SNTB1: variants seen among roughly 807,000 people sequenced by gnomAD.
SNTB1 encodes the protein beta-1-syntrophin.
SNTB1 carries 36 observed loss-of-function variants against 48.9 expected under a neutral mutation model. That is an observed-to-expected ratio of 0.74 (90% confidence interval 0.56 to 0.97). SNTB1 has a LOEUF of 0.97. Ranked by LOEUF, SNTB1 falls within the 50% of genes least tolerant of loss-of-function variation. The pLI is 0.00. For synonymous variants in SNTB1, 299 were observed against 294.6 expected (o/e 1.01, Z -0.15); for missense variants, 786 against 703.4 (o/e 1.12, Z -1.33).
chr8:120,666,100 C>A lies in SNTB1; in HGVS notation c.788+27592G>T, dbSNP rs183656269. Reference sequence around the variant, plus strand: ...AGTTTTCCAATTTCTATTAAAAGATCCACAGAGATTTTGATTAGTATGGCA... The same window carrying A: ...AGTTTTCCAATTTCTATTAAAAGATACACAGAGATTTTGATTAGTATGGCA... On this transcript the variant is annotated intron_variant, in intron 2 of 6. Coordinates refer to ENST00000517992, the MANE Select transcript of SNTB1 (RefSeq NM_021021.4). 1.2e-3 allele frequency among the ~76,000 whole-genome samples: 181 copies of A among 152,186 alleles called. 2 individuals are homozygous for A. The highest frequency in any genetic ancestry group is 3.8e-3 in the African/African-American group (156 of 41,528).
In SNTB1 at chr8:120,564,898, C is replaced by G. The variant is rs183695045; in HGVS notation, c.1136+10188G>C. Among the ~76,000 whole-genome samples, 90 of 152,150 alleles carry G rather than the reference C, an allele frequency of 5.9e-4. 4 individuals are homozygous for G. The East Asian group carries it at 0.016, about 28-fold the overall frequency. On this transcript the variant is annotated intron_variant, in intron 4 of 6. Coordinates refer to ENST00000517992, the MANE Select transcript of SNTB1 (RefSeq NM_021021.4). ...TGATTCTATTTTTTAGATGTGGAAA[C>G]AGATCAGAGAGAAGACGTCACTTGC... is the stretch of plus-strand genomic sequence containing the variant.
chr8:120,781,384 C>T (rs118096917), intron 1 of SNTB1, among the ~76,000 whole-genome samples: 2,561 of 151,824 alleles, frequency 0.017, 28 homozygotes, highest in Middle Eastern at 0.027. Context: ...TTTTTTTAAC[C>T]AAAGATATTT....
At chr8:120,738,464 T>C (rs1269721606) in intron 1 of SNTB1, among the ~76,000 whole-genome samples, 1 of 152,106 alleles carries the variant, frequency 6.6e-6, no homozygotes, top group Non-Finnish European at 1.5e-5. Flanking sequence ...GTTATTATTA[T>C]CTTCATGTTT....
intron 1 of SNTB1, among the ~76,000 whole-genome samples, chr8:120,785,142 T>A (rs1055363567): frequency 6.6e-6 from 1 of 152,156 alleles, no homozygotes; most frequent in African/African-American, 2.4e-5. Flanking sequence ...GTCACGGGTT[T>A]AGAGAAACCC....
At chr8:120,602,064 AAAAGTACT>A (rs1816430098) in intron 3 of SNTB1, among the ~76,000 whole-genome samples, 1 of 152,392 alleles carries the variant, frequency 6.6e-6, no homozygotes, top group East Asian at 1.9e-4. Context: ...TGCTTTCACC[AAAAGTACT>A]AAAGCAGCCT....
At chr8:120,662,350 C>T (rs1817602539) in intron 2 of SNTB1, among the ~76,000 whole-genome samples, 1 of 152,126 alleles carries the variant, frequency 6.6e-6, no homozygotes, top group African/African-American at 2.4e-5. Context: ...TAGTAAATGC[C>T]AAGGTGCCAG....
intron 2 of SNTB1, among the ~76,000 whole-genome samples, chr8:120,669,699 G>T (rs1371236879): frequency 2.8e-5 from 1 of 36,006 alleles, no homozygotes. Context: ...TGATCCACCC[G>T]CCTTGGCCTC....
At chr8:120,752,528 A>T (rs976805014) in intron 1 of SNTB1, among the ~76,000 whole-genome samples, 6 of 152,136 alleles carry the variant, frequency 3.9e-5, no homozygotes, top group African/African-American at 1.4e-4. Flanking sequence ...GTAACAAAGA[A>T]ATGAAATCAA....
chr8:120,721,350 A>C (rs1818655642), intron 1 of SNTB1, among the ~76,000 whole-genome samples: 1 of 152,188 alleles, frequency 6.6e-6, no homozygotes, highest in Non-Finnish European at 1.5e-5. Context: ...CAGACTTGAA[A>C]TCAAGCTTCT....
At chr8:120,759,820 G>A (rs1288298988) in intron 1 of SNTB1, among the ~76,000 whole-genome samples, 7 of 152,108 alleles carry the variant, frequency 4.6e-5, no homozygotes, top group East Asian at 1.9e-4. Flanking sequence ...TTGAGAGAAG[G>A]CCTATGTCTT....
chr8:120,603,534 G>C (rs539979530), intron 3 of SNTB1, among the ~76,000 whole-genome samples: 265 of 152,304 alleles, frequency 1.7e-3, no homozygotes, highest in Middle Eastern at 3.4e-3. Context: ...CTGGGAACTT[G>C]TTAAAAATGC....
At position 120,661,044 on chromosome 8, in the gene SNTB1, TCAC is replaced by T. The variant is rs1337094929; in HGVS notation, c.789-28396_789-28394del. ...TAACATCAAAGTTACCGGTCACAGA[TCAC>T]CATAATAGATACAAAATAATGAGAA... On this transcript the variant is annotated intron_variant, in intron 2 of 6. Coordinates refer to ENST00000517992, the MANE Select transcript of SNTB1 (RefSeq NM_021021.4). Among the ~76,000 whole-genome samples the T allele has an allele frequency of 3.9e-5, 6 of 152,108 alleles. No homozygotes were observed. In the East Asian group the frequency reaches 5.8e-4, roughly 15 times the overall value.
chr8:120,548,750 T>C lies in SNTB1; in HGVS notation c.1333+12A>G. 6.2e-7 allele frequency: 1 copy of C among 1,613,048 alleles called. No individual in the cohort carries two copies. The highest frequency in any genetic ancestry group is 8.5e-7 in the Non-Finnish European group (1 of 1,179,024). Reference sequence around the variant, plus strand: ...TAACAATGTGTCCTTGGTAGCTCACTGCAGTACTCACCAGTGCTGATTTCA... The same window carrying C: ...TAACAATGTGTCCTTGGTAGCTCACCGCAGTACTCACCAGTGCTGATTTCA... On this transcript the variant is annotated intron_variant, in intron 5 of 6. Coordinates refer to ENST00000517992, the MANE Select transcript of SNTB1 (RefSeq NM_021021.4).
At chr8:120,607,956 G>C (rs746667308) in intron 3 of SNTB1, among the ~76,000 whole-genome samples, 1 of 152,150 alleles carries the variant, frequency 6.6e-6, no homozygotes, top group Non-Finnish European at 1.5e-5. Flanking sequence ...TAGGATAAAA[G>C]GTCTCTGATC....
rs1239269378 is a variant in SNTB1, at chr8:120,632,017, T to C, written c.996+427A>G. On this transcript the variant is annotated intron_variant, in intron 3 of 6. Transcript: ENST00000517992. ...ATTCTTGCTGTTATTTGTAAATGTA[T>C]AATTGAATCATCTCAATTCAAACAA... is the stretch of plus-strand genomic sequence containing the variant. 2.0e-5 allele frequency among the ~76,000 whole-genome samples: 3 copies of C among 152,350 alleles called. No individual in the cohort carries two copies. In the East Asian group the frequency reaches 5.8e-4, roughly 29 times the overall value.
intron 1 of SNTB1, among the ~76,000 whole-genome samples, chr8:120,719,382 C>T (rs1297041468): frequency 1.3e-5 from 2 of 152,194 alleles, no homozygotes. Flanking sequence ...GGGACTTGGA[C>T]TGGCTTCCTT....
chr8:120,669,011 AG>A (rs929522313), intron 2 of SNTB1, among the ~76,000 whole-genome samples: 14 of 152,204 alleles, frequency 9.2e-5, no homozygotes, highest in African/African-American at 2.7e-4. Flanking sequence ...GGCTGGGACA[AG>A]GGCATAAGAC....
chr8:120,811,612 C>T lies in SNTB1; in HGVS notation c.232G>A (p.Gly78Ser), dbSNP rs761307311. The change falls in exon 1 of 7, where the codon GGC becomes AGC. Residue 78 changes from glycine (G) to serine (S), a missense_variant. Transcript: ENST00000517992. The stretch of plus-strand genomic sequence containing the variant: ...TCCGGGGGCTGCGCGCCGCCCGCGC[C>T]CGGGTGCCCAGCCCCGGCGCCCCTG... ...FCRGAGAGHP[G>S]AGGAQPPDSP... 36 of 1,585,330 alleles carry T rather than the reference C, an allele frequency of 2.3e-5. No homozygotes were observed. Among genetic ancestry groups the T allele is most frequent in the Non-Finnish European group, 2.8e-5 (33 of 1,170,104 alleles).
At chr8:120,603,021 A>G (rs946325813) in intron 3 of SNTB1, among the ~76,000 whole-genome samples, 3 of 151,980 alleles carry the variant, frequency 2.0e-5, no homozygotes, top group African/African-American at 7.2e-5. Context: ...AATTATTCTC[A>G]GTTATTTTTG....
Sources: gnomAD v4.1 joint callset for allele counts (sites outside exome capture counted in the v4.1 genomes callset) on GRCh38, gnomAD v4.1.1 for gene constraint, MANE v1.5 for transcripts, NCBI Gene and HGNC (gene_info 2026-07-23, HGNC 2026-07-21) for gene names.